WWOX: variants seen among roughly 807,000 people sequenced by gnomAD.
The protein encoded by WWOX is WW domain containing oxidoreductase.
A neutral mutation model predicts 46.2 loss-of-function variants in WWOX; 69 were observed. The observed-to-expected ratio is 1.49, with a 90% CI of 1.23 to 1.82. WWOX has a LOEUF of 1.82. Ranked by LOEUF, WWOX falls within the 40% of genes most tolerant of loss-of-function variation. The probability of loss-of-function intolerance (pLI) is 0.00; values close to 1 mark genes in which losing one functional copy is unlikely to be tolerated. For missense variants in WWOX, 919 were observed against 542.6 expected (o/e 1.69, Z -6.89); for synonymous variants, 359 against 202.6 (o/e 1.77, Z -6.56).
chr16:78,140,005 C>A (rs992667053), intron 4 of WWOX, among the ~76,000 whole-genome samples: 1 of 152,098 alleles, frequency 6.6e-6, no homozygotes, highest in African/African-American at 2.4e-5. Context: ...TTTGGGTTTG[C>A]ACATGTGCAA....
intron 8 of WWOX, among the ~76,000 whole-genome samples, chr16:79,150,151 C>T (rs1231301332): frequency 1.3e-5 from 2 of 152,168 alleles, no homozygotes; most frequent in Non-Finnish European, 2.9e-5. Flanking sequence ...CTCAGTCTAC[C>T]TTTAGCAGAA....
chr16:78,825,933 C>A, intron 8 of WWOX: 1 of 799,252 alleles, frequency 1.3e-6, no homozygotes, highest in Non-Finnish European at 2.0e-6. Flanking sequence ...GTAGTGCCCA[C>A]CACTCCCATC....
intron 1 of WWOX, among the ~76,000 whole-genome samples, chr16:78,102,421 A>G (rs1446621199): frequency 2.6e-5 from 4 of 152,216 alleles, no homozygotes; most frequent in Non-Finnish European, 5.9e-5. Context: ...CTGTTGGCAG[A>G]GCCAGAGAGT....
intron 5 of WWOX, among the ~76,000 whole-genome samples, chr16:78,357,094 C>G (rs906166798): frequency 6.6e-6 from 1 of 152,178 alleles, no homozygotes; most frequent in African/African-American, 2.4e-5. Flanking sequence ...CCAGGAGACA[C>G]CAGGCATAGA....
At chr16:78,457,538 T>C (rs1383131332) in intron 8 of WWOX, among the ~76,000 whole-genome samples, 3 of 152,176 alleles carry the variant, frequency 2.0e-5, no homozygotes, top group Admixed American at 1.3e-4. Flanking sequence ...TGCTAAGCTT[T>C]ATTTGGGGAA....
intron 8 of WWOX, among the ~76,000 whole-genome samples, chr16:79,036,929 T>G (rs940787652): frequency 6.6e-6 from 1 of 152,172 alleles, no homozygotes; most frequent in Admixed American, 6.5e-5. Flanking sequence ...TGAAGATACG[T>G]ATTTCTCAGT....
chr16:78,961,779 C>T (rs183901661), intron 8 of WWOX, among the ~76,000 whole-genome samples: 5 of 152,118 alleles, frequency 3.3e-5, no homozygotes, highest in Non-Finnish European at 7.4e-5. Context: ...TAAACAAGTA[C>T]CTCAGGTTAT....
chr16:78,288,374 A>G (rs1445580760), intron 5 of WWOX, among the ~76,000 whole-genome samples: 18 of 151,766 alleles, frequency 1.2e-4, no homozygotes, highest in Admixed American at 1.2e-3. Flanking sequence ...CCTCATGGTC[A>G]TAAAAGTAAC....
chr16:78,897,720 G>C (rs982180001), intron 8 of WWOX: 10 of 152,076 alleles, frequency 6.6e-5, no homozygotes, highest in Admixed American at 2.6e-4. Flanking sequence ...TTGACTCTTA[G>C]TGTTTAACTT....
chr16:78,769,100 G>T (rs927163602), intron 8 of WWOX, among the ~76,000 whole-genome samples: 3 of 152,196 alleles, frequency 2.0e-5, no homozygotes, highest in Non-Finnish European at 4.4e-5. Flanking sequence ...ATAAGGCTCT[G>T]GCATTTGATA....
intron 5 of WWOX, among the ~76,000 whole-genome samples, chr16:78,197,146 T>A (rs1046557049): frequency 6.6e-6 from 1 of 152,164 alleles, no homozygotes; most frequent in Non-Finnish European, 1.5e-5. Context: ...ATCTGTGATA[T>A]CAGATCCTTT....
At chr16:78,818,743 C>T (rs1249943341) in intron 8 of WWOX, among the ~76,000 whole-genome samples, 9 of 152,174 alleles carry the variant, frequency 5.9e-5, no homozygotes, top group Admixed American at 5.9e-4. Flanking sequence ...AACTAGCTTG[C>T]CAGTCAAGTC....
At position 79,078,481 on chromosome 16, in the gene WWOX, G is replaced by T. The variant is rs190988229; in HGVS notation, c.1057-133127G>T. Among the ~76,000 whole-genome samples, 10 of 152,204 alleles carry T rather than the reference G, an allele frequency of 6.6e-5. No individual in the cohort carries two copies. The South Asian group carries it at 1.9e-3, about 28-fold the overall frequency. On this transcript the variant is annotated intron_variant, in intron 8 of 8. Coordinates refer to ENST00000566780, the MANE Select transcript of WWOX (RefSeq NM_016373.4). ...GAGAGGAGAGTCCCTTGAATGCCAC[G>T]CAACATTTCTCTCTGTAGGTGTCCT... is the stretch of plus-strand genomic sequence containing the variant.
At chr16:78,447,995 G>A (rs1016919389) in intron 8 of WWOX, among the ~76,000 whole-genome samples, 1 of 152,058 alleles carries the variant, frequency 6.6e-6, no homozygotes, top group Non-Finnish European at 1.5e-5. Flanking sequence ...GTGGAGACAG[G>A]GTTTCACCAT....
At chr16:78,883,723 CAAAAAAA>C (rs202124516) in intron 8 of WWOX, among the ~76,000 whole-genome samples, 19 of 120,058 alleles carry the variant, frequency 1.6e-4, no homozygotes, top group African/African-American at 5.6e-4. Context: ...GACTCTGTCT[CAAAAAAA>C]AAAAAGAAAA....
intron 8 of WWOX, among the ~76,000 whole-genome samples, chr16:78,842,953 A>T (rs2052200192): frequency 6.7e-6 from 1 of 150,084 alleles, no homozygotes; most frequent in African/African-American, 2.4e-5. Context: ...AATTTAGAAA[A>T]ATGCACGCAC....
chr16:78,926,223 C>T (rs1379738214), intron 8 of WWOX, among the ~76,000 whole-genome samples: 1 of 152,010 alleles, frequency 6.6e-6, no homozygotes, highest in Admixed American at 6.6e-5. Context: ...AATTTACAAG[C>T]TTAGCCAGGC....
intron 8 of WWOX, among the ~76,000 whole-genome samples, chr16:78,988,900 G>A (rs976746723): frequency 1.3e-5 from 2 of 152,152 alleles, no homozygotes; most frequent in African/African-American, 4.8e-5. Flanking sequence ...GGGCAGTCAG[G>A]CAAAGCAGAT....
chr16:78,937,182 G>T (rs574605409), intron 8 of WWOX, among the ~76,000 whole-genome samples: 1 of 152,102 alleles, frequency 6.6e-6, no homozygotes, highest in Non-Finnish European at 1.5e-5. Flanking sequence ...CATACATATG[G>T]ATTTTTGGAG....
Sources: allele counts gnomAD v4.1 joint callset (sites outside exome capture counted in the v4.1 genomes callset), GRCh38; gene constraint gnomAD v4.1.1; transcripts MANE v1.5; gene names NCBI Gene and HGNC (gene_info 2026-07-23, HGNC 2026-07-21).